Variants in CTNNA2 observed in about 807,000 individuals in gnomAD.
CTNNA2 encodes catenin alpha 2.
Under a neutral mutation model 101.0 loss-of-function variants are expected in CTNNA2, and 42 were observed. The ratio of observed to expected loss-of-function variants is 0.42; its 90% confidence interval spans 0.32 to 0.54. CTNNA2 has a LOEUF of 0.54. Ranked by LOEUF, CTNNA2 falls within the 20% of genes least tolerant of loss-of-function variation. CTNNA2 has a pLI of 0.14. For missense variants in CTNNA2, 871 were observed against 1,223.1 expected (o/e 0.71, Z 4.29); for synonymous variants, 450 against 456.4 (o/e 0.99, Z 0.18).
chr2:79,819,097 A>G (rs1677806789), intron 3 of CTNNA2, among the ~76,000 whole-genome samples: 1 of 150,876 alleles, frequency 6.6e-6, no homozygotes, highest in Admixed American at 6.6e-5. Context: ...TTCCTGCCTC[A>G]GCCTCCTGAG....
intron 4 of CTNNA2, among the ~76,000 whole-genome samples, chr2:79,491,487 A>G (rs1671207036): frequency 6.6e-6 from 1 of 152,184 alleles, no homozygotes; most frequent in South Asian, 2.1e-4. Context: ...TATTTTAGCT[A>G]TGTTAAGCAT....
chr2:80,192,952 G>GGTGTGTGT (rs3067147), intron 7 of CTNNA2, among the ~76,000 whole-genome samples: 6 of 151,294 alleles, frequency 4.0e-5, no homozygotes, highest in Non-Finnish European at 8.9e-5. Flanking sequence ...TGTGTATAGT[G>GGTGTGTGT]GTGTGTGTGT....
chr2:79,560,660 T>A (rs1674720016), intron 1 of CTNNA2, among the ~76,000 whole-genome samples: 1 of 151,920 alleles, frequency 6.6e-6, no homozygotes, highest in African/African-American at 2.4e-5. Context: ...AAAAAGCAGA[T>A]TTCTTAAGCC....
At chr2:80,255,072 A>G (rs1672039717) in intron 7 of CTNNA2, among the ~76,000 whole-genome samples, 2 of 152,182 alleles carry the variant, frequency 1.3e-5, no homozygotes, top group Admixed American at 1.3e-4. Context: ...AGTCCCAGAA[A>G]TGCATGTCTC....
At chr2:80,513,988 T>G (rs1688909252) in intron 9 of CTNNA2, among the ~76,000 whole-genome samples, 1 of 152,232 alleles carries the variant, frequency 6.6e-6, no homozygotes, top group African/African-American at 2.4e-5. Context: ...TCAGCAATCA[T>G]TTACCATTTG....
intron 7 of CTNNA2, among the ~76,000 whole-genome samples, chr2:80,256,218 T>C (rs1173858521): frequency 6.6e-6 from 1 of 152,084 alleles, no homozygotes; most frequent in African/African-American, 2.4e-5. Context: ...AGCCATACCA[T>C]GTGAATTCAG....
intron 7 of CTNNA2, among the ~76,000 whole-genome samples, chr2:80,243,524 A>T (rs1375603427): frequency 2.0e-5 from 3 of 152,212 alleles, no homozygotes; most frequent in Non-Finnish European, 1.5e-5. Flanking sequence ...ATCAAACAAT[A>T]TGCACTCTTT....
chr2:79,765,435 TG>T (rs1673085163), intron 3 of CTNNA2, among the ~76,000 whole-genome samples: 1 of 152,090 alleles, frequency 6.6e-6, no homozygotes, highest in South Asian at 2.1e-4. Context: ...TTTACTGAAG[TG>T]GTTTTCAAAC....
intron 7 of CTNNA2, among the ~76,000 whole-genome samples, chr2:80,362,840 C>G (rs566397723): frequency 6.6e-6 from 1 of 152,044 alleles, no homozygotes; most frequent in East Asian, 1.9e-4. Context: ...ATGTTAGGAA[C>G]TGGGCGTGGT....
intron 9 of CTNNA2, among the ~76,000 whole-genome samples, chr2:80,472,311 C>T (rs1355731667): frequency 6.6e-6 from 1 of 152,070 alleles, no homozygotes; most frequent in Non-Finnish European, 1.5e-5. Context: ...TGTATCTAGC[C>T]ATGGCTGATG....
At chr2:80,404,348 C>A (rs1307136246) in intron 8 of CTNNA2, among the ~76,000 whole-genome samples, 5 of 151,672 alleles carry the variant, frequency 3.3e-5, no homozygotes, top group African/African-American at 1.2e-4. Context: ...AAACACAGCT[C>A]CTGGATTTGT....
intron 7 of CTNNA2, among the ~76,000 whole-genome samples, chr2:79,955,805 C>G (rs2104510723): frequency 6.6e-6 from 1 of 152,280 alleles, no homozygotes; most frequent in Admixed American, 6.5e-5. Context: ...TGTGAGCCAC[C>G]ACACTCGGCC....
chr2:79,984,423 T>C (rs1691612554), intron 7 of CTNNA2, among the ~76,000 whole-genome samples: 1 of 152,232 alleles, frequency 6.6e-6, no homozygotes. Context: ...TGCTCATTTA[T>C]CATGCTGGTC....
intron 7 of CTNNA2, among the ~76,000 whole-genome samples, chr2:80,176,955 G>A (rs1475657138): frequency 2.0e-5 from 3 of 152,174 alleles, no homozygotes; most frequent in Non-Finnish European, 4.4e-5. Flanking sequence ...CTGGAACCAT[G>A]AATCCTGGCT....
chr2:80,023,968 T>G (rs1301992559), intron 7 of CTNNA2, among the ~76,000 whole-genome samples: 3 of 151,568 alleles, frequency 2.0e-5, no homozygotes, highest in Non-Finnish European at 2.9e-5. Flanking sequence ...GCGCCTGTAG[T>G]CCCAGCTACT....
chr2:79,721,428 C>T (rs1037648163), intron 2 of CTNNA2, among the ~76,000 whole-genome samples: 8 of 152,154 alleles, frequency 5.3e-5, no homozygotes, highest in Non-Finnish European at 1.2e-4. Flanking sequence ...AATGGGGGCT[C>T]CATCCAGATT....
At chr2:79,672,598 T>C (rs1449927626) in intron 2 of CTNNA2, among the ~76,000 whole-genome samples, 1 of 152,106 alleles carries the variant, frequency 6.6e-6, no homozygotes, top group Non-Finnish European at 1.5e-5. Context: ...TAAGTTAATG[T>C]ATGTTTTTTA....
At chr2:79,537,154 G>A (rs185233176) in intron 1 of CTNNA2, among the ~76,000 whole-genome samples, 25 of 152,160 alleles carry the variant, frequency 1.6e-4, no homozygotes, top group Admixed American at 1.0e-3. Flanking sequence ...ACGTTCTGTT[G>A]GTGAGTTGAA....
At chr2:80,405,477 C>T (rs930292137) in intron 8 of CTNNA2, among the ~76,000 whole-genome samples, 14 of 152,074 alleles carry the variant, frequency 9.2e-5, no homozygotes, top group Non-Finnish European at 2.9e-5. Context: ...AGGTAAATAT[C>T]AATTATTAAA....
Sources: gnomAD v4.1 joint callset for allele counts (sites outside exome capture counted in the v4.1 genomes callset) on GRCh38, gnomAD v4.1.1 for gene constraint, MANE v1.5 for transcripts, NCBI Gene and HGNC (gene_info 2026-07-23, HGNC 2026-07-21) for gene names.